Variants in FRK observed in about 807,000 individuals in gnomAD.
The protein encoded by FRK is fyn related Src family tyrosine kinase, also known as tyrosine-protein kinase FRK.
A neutral mutation model predicts 56.4 loss-of-function variants in FRK; 51 were observed. The ratio of observed to expected loss-of-function variants is 0.90; its 90% CI spans 0.72 to 1.14. The LOEUF is 1.14. FRK is among the 50% of genes most tolerant of loss of function. The pLI, the probability that FRK is intolerant of heterozygous loss-of-function variation, is 0.00. For missense variants in FRK, 570 were observed against 601.4 expected (o/e 0.95, Z 0.55); for synonymous variants, 245 against 217.9 (o/e 1.12, Z -1.10).
chr6:115,954,016 A>T (rs1772892686), intron 5 of FRK, among the ~76,000 whole-genome samples: 2 of 152,356 alleles, frequency 1.3e-5, no homozygotes, highest in South Asian at 4.1e-4. Context: ...ATACTTTAAG[A>T]GTCAGTAGAA....
chr6:115,998,818 G>T (rs1241041884), intron 2 of FRK, among the ~76,000 whole-genome samples: 12 of 152,176 alleles, frequency 7.9e-5, no homozygotes, highest in African/African-American at 2.7e-4. Flanking sequence ...GCATCACCTT[G>T]AATATTATTG....
intron 5 of FRK, among the ~76,000 whole-genome samples, chr6:115,956,009 T>A (rs1187063569): frequency 1.3e-5 from 2 of 152,226 alleles, no homozygotes; most frequent in African/African-American, 4.8e-5. Context: ...ACAAGTACAA[T>A]GTTGTCAAAT....
chr6:115,972,034 C>T (rs1562264505), intron 2 of FRK, among the ~76,000 whole-genome samples: 1 of 152,214 alleles, frequency 6.6e-6, no homozygotes, highest in Non-Finnish European at 1.5e-5. Flanking sequence ...GCTTCCCTGT[C>T]TCTAAAGGAA....
At chr6:116,041,048 T>C (rs1776689041) in intron 1 of FRK, among the ~76,000 whole-genome samples, 1 of 152,174 alleles carries the variant, frequency 6.6e-6, no homozygotes, top group African/African-American at 2.4e-5. Context: ...TACTATGTAA[T>C]AATTTTGTTT....
At chr6:115,946,172 C>T (rs1772443509) in intron 5 of FRK, among the ~76,000 whole-genome samples, 2 of 152,086 alleles carry the variant, frequency 1.3e-5, no homozygotes, top group South Asian at 4.1e-4. Context: ...CCATTAGACT[C>T]ATGGTCAAAA....
the FRK span, among the ~76,000 whole-genome samples, chr6:116,090,310 G>C: frequency 1.3e-5 from 2 of 152,278 alleles, no homozygotes; most frequent in Admixed American, 1.3e-4. Flanking sequence ...AGCTTTGCAG[G>C]GTGTAATGTG....
At chr6:116,043,511 C>T (rs928635851) in intron 1 of FRK, among the ~76,000 whole-genome samples, 2 of 152,040 alleles carry the variant, frequency 1.3e-5, no homozygotes, top group Non-Finnish European at 2.9e-5. Flanking sequence ...GAAATTAAGG[C>T]AGAAATAAAT....
intron 4 of FRK, 47 bp from the exon 5 acceptor site, chr6:115,956,657 C>T: frequency 7.2e-7 from 1 of 1,386,232 alleles, no homozygotes; most frequent in Non-Finnish European, 9.6e-7. Context: ...TGAGGCATTC[C>T]TATCCTCACA....
At chr6:115,968,337 T>C (rs913125619) in intron 3 of FRK, among the ~76,000 whole-genome samples, 3 of 152,140 alleles carry the variant, frequency 2.0e-5, no homozygotes, top group Admixed American at 6.6e-5. Flanking sequence ...AACTCTGCTG[T>C]TATGGCACAA....
At chr6:116,064,371 C>T (rs1276261443), upstream of FRK, among the ~76,000 whole-genome samples, 1 of 152,066 alleles carries the variant, frequency 6.6e-6, no homozygotes, top group Non-Finnish European at 1.5e-5. Context: ...CCTTTAGTGT[C>T]TTGTACAATG....
chr6:115,961,279 G>C (rs1773348014), intron 4 of FRK, among the ~76,000 whole-genome samples: 1 of 113,606 alleles, frequency 8.8e-6, no homozygotes, highest in Non-Finnish European at 1.8e-5. Flanking sequence ...GCGATCAACT[G>C]GAAGAAAGGG....
At position 115,940,791 on chromosome 6, in the gene FRK, C is replaced by G. The variant is rs1455904800; in HGVS notation, c.*1623G>C. The stretch of plus-strand genomic sequence containing the variant: ...AACCACAATGAGATACCATCTCACA[C>G]CAGTTAGAATGGTGATCATTAAAAA... On this transcript the variant is annotated 3_prime_UTR_variant, in exon 8 of 8. Coordinates refer to ENST00000606080, the MANE Select transcript of FRK (RefSeq NM_002031.3). 6.6e-6 allele frequency: 1 copy of G among 152,178 alleles called. No homozygotes were observed. The highest frequency in any genetic ancestry group is 2.4e-5 in the African/African-American group (1 of 41,444). The allele number at this position is 152,178 out of a possible 1,614,324, so 9.4% of individuals were successfully genotyped here.
At chr6:116,054,514 CTA>C (rs376281491) in intron 1 of FRK, among the ~76,000 whole-genome samples, 19 of 140,554 alleles carry the variant, frequency 1.4e-4, no homozygotes, top group African/African-American at 4.9e-4. Context: ...TAATATTATA[CTA>C]TATATTATAT....
the FRK span, among the ~76,000 whole-genome samples, chr6:116,094,821 G>A: frequency 6.6e-6 from 1 of 152,116 alleles, no homozygotes; most frequent in Non-Finnish European, 1.5e-5. Context: ...CAGAGAGAAA[G>A]AGAGACAGAA....
At chr6:115,969,287 C>T (rs1773710647) in intron 2 of FRK, among the ~76,000 whole-genome samples, 1 of 152,122 alleles carries the variant, frequency 6.6e-6, no homozygotes, top group Admixed American at 6.6e-5. Flanking sequence ...AGACTGGTAA[C>T]AGAATGCCCT....
Position 115,933,811 on chromosome 6 carries a change from C to G in FRK, c.*8603G>C, listed in dbSNP as rs1187376999. On this transcript the variant is annotated 3_prime_UTR_variant, in exon 8 of 8. Coordinates refer to ENST00000606080, the MANE Select transcript of FRK (RefSeq NM_002031.3). ...TAATTTACTCCTTGATTGCATTAGA[C>G]TAGATGACTTTAAATAAACAAGTTG... 1 of 152,118 alleles carries G rather than the reference C, an allele frequency of 6.6e-6. No homozygotes were observed. Among genetic ancestry groups the G allele is most frequent in the African/African-American group, 2.4e-5 (1 of 41,430 alleles). The allele number at this position is 152,118 out of a possible 1,614,324, so 9.4% of individuals were successfully genotyped here. A position where few individuals can be genotyped will look rare whatever the true frequency, so the allele number is the denominator to read the frequency against.
At chr6:116,020,194 T>C (rs1441912725) in intron 1 of FRK, among the ~76,000 whole-genome samples, 1 of 152,202 alleles carries the variant, frequency 6.6e-6, no homozygotes, top group African/African-American at 2.4e-5. Flanking sequence ...AGACAAAGAC[T>C]ACCATAAAAA....
At chr6:116,081,761 G>A in the FRK span, among the ~76,000 whole-genome samples, 10 of 151,826 alleles carry the variant, frequency 6.6e-5, no homozygotes, top group African/African-American at 2.4e-4. Flanking sequence ...ATATTATTAA[G>A]AGAAAACAGC....
intron 1 of FRK, among the ~76,000 whole-genome samples, chr6:116,055,310 T>C (rs1582765199): frequency 6.6e-6 from 1 of 152,298 alleles, no homozygotes; most frequent in East Asian, 1.9e-4. Flanking sequence ...ATTCTAACAT[T>C]TTTATACCAT....
Sources: allele counts gnomAD v4.1 joint callset (sites outside exome capture counted in the v4.1 genomes callset), GRCh38; gene constraint gnomAD v4.1.1; transcripts MANE v1.5; gene names NCBI Gene and HGNC (gene_info 2026-07-23, HGNC 2026-07-21).